LRP1B: variants seen among roughly 807,000 people sequenced by gnomAD.
The protein encoded by LRP1B is LDL receptor related protein 1B.
In LRP1B, 217 loss-of-function variants were observed where a neutral mutation model predicts 556.6. That is an observed-to-expected ratio of 0.39 (90% confidence interval 0.35 to 0.44). The LOEUF is 0.44. Ranked by LOEUF, LRP1B falls within the 20% of genes least tolerant of loss-of-function variation. The pLI is 1.00. For missense variants in LRP1B, 5,053 were observed against 5,620.8 expected (o/e 0.90, Z 3.23); for synonymous variants, 2,047 against 1,865.8 (o/e 1.10, Z -2.50).
chr2:140,885,739 A>T (rs902086784), intron 24 of LRP1B, among the ~76,000 whole-genome samples: 1 of 151,794 alleles, frequency 6.6e-6, no homozygotes, highest in Non-Finnish European at 1.5e-5. Context: ...AGCTCATATT[A>T]GTCATCTTTG....
At chr2:142,090,388 A>G (rs572511983) in intron 1 of LRP1B, among the ~76,000 whole-genome samples, 55 of 152,198 alleles carry the variant, frequency 3.6e-4, no homozygotes, top group Non-Finnish European at 6.8e-4. Flanking sequence ...CAGATGAAAA[A>G]GTCTTCTCCA....
At chr2:142,103,168 T>C (rs1473293046) in intron 1 of LRP1B, among the ~76,000 whole-genome samples, 1 of 151,996 alleles carries the variant, frequency 6.6e-6, no homozygotes, top group African/African-American at 2.4e-5. Context: ...TAACAAGTTA[T>C]CCACATTATA....
chr2:140,359,265 T>C (rs187570645), intron 72 of LRP1B, among the ~76,000 whole-genome samples: 8 of 151,808 alleles, frequency 5.3e-5, no homozygotes, highest in African/African-American at 1.9e-4. Flanking sequence ...TTATGCAATA[T>C]GGCAGGACAC....
intron 2 of LRP1B, among the ~76,000 whole-genome samples, chr2:141,715,512 T>C (rs1692551964): frequency 6.6e-6 from 1 of 151,966 alleles, no homozygotes; most frequent in Non-Finnish European, 1.5e-5. Flanking sequence ...CTGTGGTTTC[T>C]TCATTTATAA....
At chr2:141,257,677 G>T (rs77455689) in intron 3 of LRP1B, among the ~76,000 whole-genome samples, 1 of 152,138 alleles carries the variant, frequency 6.6e-6, no homozygotes, top group African/African-American at 2.4e-5. Context: ...CTTATCCTGC[G>T]TGAGGATTTG....
chr2:140,449,389 A>G (rs917877728), intron 63 of LRP1B, among the ~76,000 whole-genome samples: 7 of 152,124 alleles, frequency 4.6e-5, no homozygotes, highest in African/African-American at 1.7e-4. Flanking sequence ...TTAACTTAAT[A>G]GGTTTTTTGA....
chr2:140,945,607 G>A (rs1237650700), intron 20 of LRP1B, among the ~76,000 whole-genome samples: 4 of 152,022 alleles, frequency 2.6e-5, no homozygotes, highest in African/African-American at 9.7e-5. Flanking sequence ...AAGCAATGAG[G>A]AAAGGACTCC....
intron 3 of LRP1B, among the ~76,000 whole-genome samples, chr2:141,419,701 A>G (rs1573924736): frequency 1.3e-5 from 2 of 152,136 alleles, no homozygotes; most frequent in South Asian, 4.2e-4. Context: ...GTGATCTGTA[A>G]AAATAACTTC....
chr2:140,651,831 C>T (rs1684700203), intron 41 of LRP1B, among the ~76,000 whole-genome samples: 1 of 152,064 alleles, frequency 6.6e-6, no homozygotes, highest in African/African-American at 2.4e-5. Flanking sequence ...AAATGATATA[C>T]TTTGATTATT....
chr2:141,070,659 A>T (rs1389391720), intron 7 of LRP1B, among the ~76,000 whole-genome samples: 1 of 152,080 alleles, frequency 6.6e-6, no homozygotes, highest in African/African-American at 2.4e-5. Flanking sequence ...GCAATAAAAA[A>T]TGATAAAGGG....
intron 1 of LRP1B, among the ~76,000 whole-genome samples, chr2:142,053,154 G>A (rs1236601090): frequency 1.3e-5 from 2 of 152,096 alleles, no homozygotes; most frequent in Non-Finnish European, 2.9e-5. Flanking sequence ...TGAAAGCAGA[G>A]AACACAGAAA....
chr2:141,713,484 A>C (rs1349970254), intron 2 of LRP1B, among the ~76,000 whole-genome samples: 1 of 152,214 alleles, frequency 6.6e-6, no homozygotes, highest in East Asian at 1.9e-4. Context: ...ACAGGCAATG[A>C]ATATAATATA....
In LRP1B at chr2:140,331,254, C is replaced by T. The variant is rs182100610; in HGVS notation, c.12223+3199G>A. 9.4e-4 allele frequency among the ~76,000 whole-genome samples: 143 copies of T among 152,138 alleles called. No homozygotes were observed. The Middle Eastern group carries it at 0.01, about 11-fold the overall frequency. The stretch of plus-strand genomic sequence containing the variant: ...TACTATGCAGCCATAAAAAGGAATG[C>T]GATCATGTCCTTTGCAGGGACGTGG... On this transcript the variant is annotated intron_variant, in intron 79 of 90. Transcript: ENST00000389484.
intron 1 of LRP1B, among the ~76,000 whole-genome samples, chr2:141,937,592 T>A (rs900360935): frequency 2.0e-5 from 3 of 151,728 alleles, no homozygotes; most frequent in Admixed American, 6.6e-5. Flanking sequence ...TGTGTGTGAG[T>A]GTTTAACTTG....
chr2:141,036,830 G>T (rs1189797668), intron 11 of LRP1B, among the ~76,000 whole-genome samples: 1 of 151,860 alleles, frequency 6.6e-6, no homozygotes, highest in African/African-American at 2.4e-5. Flanking sequence ...CACAAAAATT[G>T]CCCGGACACA....
intron 32 of LRP1B, among the ~76,000 whole-genome samples, chr2:140,806,789 C>G (rs1690732888): frequency 6.6e-6 from 1 of 152,144 alleles, no homozygotes; most frequent in Non-Finnish European, 1.5e-5. Flanking sequence ...TAAAAAAGTA[C>G]AAAATACAGA....
chr2:140,359,166 T>C (rs1465734698), intron 72 of LRP1B, among the ~76,000 whole-genome samples: 1 of 151,654 alleles, frequency 6.6e-6, no homozygotes, highest in Non-Finnish European at 1.5e-5. Flanking sequence ...TTAAAGGAAA[T>C]ACGAAAGAGC....
intron 7 of LRP1B, among the ~76,000 whole-genome samples, chr2:141,171,177 G>A (rs1028464887): frequency 2.0e-5 from 3 of 152,038 alleles, no homozygotes; most frequent in Non-Finnish European, 4.4e-5. Context: ...AACCAATGTT[G>A]ATGCATTATT....
chr2:140,626,670 T>A, intron 41 of LRP1B, among the ~76,000 whole-genome samples: 1 of 145,180 alleles, frequency 6.9e-6, no homozygotes, highest in South Asian at 2.2e-4. Context: ...GATTAGCAAA[T>A]TTGAGTACAC....
Sources: allele counts gnomAD v4.1 joint callset (sites outside exome capture counted in the v4.1 genomes callset), GRCh38; gene constraint gnomAD v4.1.1; transcripts MANE v1.5; gene names NCBI Gene and HGNC (gene_info 2026-07-23, HGNC 2026-07-21).